CADM3: variants seen among roughly 807,000 people sequenced by gnomAD.
The protein encoded by CADM3 is cell adhesion molecule 3, also known as TSLC1-like 1.
CADM3 carries 11 observed loss-of-function variants against 44.9 expected under a neutral mutation model. That is an observed-to-expected ratio of 0.25 (90% CI 0.15 to 0.41). The LOEUF (loss-of-function observed/expected upper bound fraction) is 0.41, where lower values mean the gene tolerates loss of function less well. CADM3 is among the 10% of genes least tolerant of loss of function. CADM3 has a pLI of 1.00. For synonymous variants in CADM3, 207 were observed against 205.2 expected (o/e 1.01, Z -0.08); for missense variants, 426 against 512.0 (o/e 0.83, Z 1.62).
intron 1 of CADM3, among the ~76,000 whole-genome samples, chr1:159,186,429 A>G (rs1167674222): frequency 2.6e-5 from 4 of 152,182 alleles, no homozygotes; most frequent in African/African-American, 9.7e-5. Context: ...TATGGTCTCA[A>G]TGACAGAAGC....
At chr1:159,172,635 AGCTTTCCTGG>A (rs540591094) in intron 1 of CADM3, among the ~76,000 whole-genome samples, 21 of 152,266 alleles carry the variant, frequency 1.4e-4, no homozygotes, top group African/African-American at 5.1e-4. Context: ...AGAAACCCAA[AGCTTTCCTGG>A]GCTAAGCACT....
intron 8 of CADM3, 104 bp downstream of exon 8, chr1:159,199,980 T>G: frequency 7.1e-7 from 1 of 1,406,940 alleles, no homozygotes; most frequent in Non-Finnish European, 9.8e-7. Flanking sequence ...CTTCAGAGAC[T>G]TGTCAGCCCT....
At position 159,201,018 on chromosome 1, in the gene CADM3, C is replaced by A; in HGVS notation, c.*96C>A. 1.3e-6 allele frequency: 1 copy of A among 787,626 alleles called. No homozygotes were observed. Among genetic ancestry groups the A allele is most frequent in the East Asian group, 3.1e-5 (1 of 32,598 alleles). 48.8% of individuals were successfully genotyped at this position (787,626 alleles called of 1,614,324 possible). A position where few individuals can be genotyped will look rare whatever the true frequency, so the allele number is the denominator to read the frequency against. ...TTGTACAGAGCAACCGCAGGGCCGC[C>A]CCTCCCGCTTGCTCCCCAGCCCACC... is the stretch of plus-strand genomic sequence containing the variant. On this transcript the variant is annotated 3_prime_UTR_variant, in exon 9 of 9. Coordinates refer to ENST00000368125, the MANE Select transcript of CADM3 (RefSeq NM_001127173.3).
chr1:159,194,280 T>C, intron 5 of CADM3: 1 of 443,460 alleles, frequency 2.3e-6, no homozygotes, highest in Non-Finnish European at 4.0e-6. Context: ...TCTCCGTTGT[T>C]GTAGGGACGC....
chr1:159,190,085 T>G (rs1291340031), intron 1 of CADM3, among the ~76,000 whole-genome samples: 1 of 152,174 alleles, frequency 6.6e-6, no homozygotes, highest in Non-Finnish European at 1.5e-5. Context: ...CAGAGACCTC[T>G]GTACACCCTA....
intron 7 of CADM3, chr1:159,198,337 C>A (rs935119052): frequency 6.6e-6 from 1 of 152,136 alleles, no homozygotes; most frequent in Non-Finnish European, 1.5e-5. Context: ...TTTCCATAGC[C>A]TGTGGAATAA....
At chr1:159,182,488 C>T (rs921520986) in intron 1 of CADM3, among the ~76,000 whole-genome samples, 1 of 152,204 alleles carries the variant, frequency 6.6e-6, no homozygotes, top group Non-Finnish European at 1.5e-5. Flanking sequence ...TGACCATGCT[C>T]AAGTTCCTAA....
intron 1 of CADM3, among the ~76,000 whole-genome samples, chr1:159,181,210 T>C (rs1473838574): frequency 1.3e-5 from 2 of 152,188 alleles, no homozygotes; most frequent in East Asian, 1.9e-4. Context: ...TTTTATTACA[T>C]ATGTGTGAAA....
At chr1:159,191,162 T>TAAACAA (rs1649646607) in intron 1 of CADM3, among the ~76,000 whole-genome samples, 3 of 152,230 alleles carry the variant, frequency 2.0e-5, no homozygotes, top group Non-Finnish European at 4.4e-5. Flanking sequence ...TGTTTTGTTT[T>TAAACAA]GTTTAACTTG....
At chr1:159,172,833 T>C (rs1027558143) in intron 1 of CADM3, among the ~76,000 whole-genome samples, 8 of 152,126 alleles carry the variant, frequency 5.3e-5, no homozygotes, top group Admixed American at 5.2e-4. Flanking sequence ...GGCCGGGCTA[T>C]GTAGGTCAGC....
intron 1 of CADM3, among the ~76,000 whole-genome samples, chr1:159,182,570 A>C (rs1043770407): frequency 3.9e-5 from 6 of 152,220 alleles, no homozygotes; most frequent in Non-Finnish European, 5.9e-5. Flanking sequence ...TATCTTGTCA[A>C]CTATAAAAAT....
chr1:159,183,642 A>G (rs939948970), intron 1 of CADM3, among the ~76,000 whole-genome samples: 4 of 152,138 alleles, frequency 2.6e-5, no homozygotes, highest in Non-Finnish European at 4.4e-5. Context: ...GTGAGGGGAC[A>G]AGAGGCCTTT....
intron 2 of CADM3, among the ~76,000 whole-genome samples, chr1:159,192,291 C>T (rs370818396): frequency 9.9e-5 from 15 of 152,232 alleles, no homozygotes; most frequent in Middle Eastern, 3.4e-3. Flanking sequence ...AGTGACTTCA[C>T]CCCACAGGAG....
At chr1:159,200,640 T>C (rs1291581835) in intron 8 of CADM3, among the ~76,000 whole-genome samples, 164 bp from the exon 9 acceptor site, 2 of 152,144 alleles carry the variant, frequency 1.3e-5, no homozygotes, top group African/African-American at 4.8e-5. Flanking sequence ...AGGTGAGGCA[T>C]GTTGGAAGCA....
rs763403646 is a variant in CADM3 at position 159,189,923 on chromosome 1, C to T, written c.89-2013C>T. The T allele has an allele frequency of 1.3e-5, 16 of 1,242,964 alleles. No individual in the cohort carries two copies. In the Admixed American group the frequency reaches 2.8e-4, roughly 22 times the overall value. The allele number at this position is 1,242,964 out of a possible 1,614,324, so 77.0% of individuals were successfully genotyped here. ...AATGTCCCTCAGTTCCCTCACTCAT[C>T]CTCACATCCTCTCCCACTCATGTTG... is the stretch of plus-strand genomic sequence containing the variant. On this transcript the variant is annotated intron_variant, in intron 1 of 8. Coordinates refer to ENST00000368125, the MANE Select transcript of CADM3 (RefSeq NM_001127173.3).
intron 2 of CADM3, 118 bp from the exon 3 acceptor site, chr1:159,192,460 A>G: frequency 8.5e-7 from 1 of 1,181,692 alleles, no homozygotes; most frequent in Non-Finnish European, 1.2e-6. Flanking sequence ...AGGAGCAGTT[A>G]TTTTTTCCCC....
intron 3 of CADM3, 123 bp downstream of exon 3, chr1:159,192,853 G>A: frequency 1.1e-6 from 1 of 950,822 alleles, no homozygotes; most frequent in Non-Finnish European, 1.6e-6. Flanking sequence ...AGTTCAGCCT[G>A]TGTTCCCCTG....
chr1:159,195,988 T>A (rs1037973061), intron 5 of CADM3: 1 of 171,442 alleles, frequency 5.8e-6, no homozygotes, highest in Non-Finnish European at 1.2e-5. Context: ...TGAGAAGTTG[T>A]GAGCTCAATA....
At chr1:159,184,782 T>C in intron 1 of CADM3, among the ~76,000 whole-genome samples, 1 of 152,246 alleles carries the variant, frequency 6.6e-6, no homozygotes, top group East Asian at 1.9e-4. Flanking sequence ...ATTCAATAAA[T>C]ATTTATTGAG....
Sources: allele counts gnomAD v4.1 joint callset (sites outside exome capture counted in the v4.1 genomes callset), GRCh38; gene constraint gnomAD v4.1.1; transcripts MANE v1.5; gene names NCBI Gene and HGNC (gene_info 2026-07-23, HGNC 2026-07-21).